Variants in SLC26A2 observed in about 807,000 individuals in gnomAD.
The protein encoded by SLC26A2 is sulfate transporter.
In SLC26A2, 36 loss-of-function variants were observed where a neutral mutation model predicts 41.1. The ratio of observed to expected loss-of-function variants is 0.88; its 90% CI spans 0.67 to 1.16. The LOEUF (loss-of-function observed/expected upper bound fraction) is 1.16, where lower values mean the gene tolerates loss of function less well. SLC26A2 is among the 50% of genes most tolerant of loss of function. The pLI, the probability that SLC26A2 is intolerant of heterozygous loss-of-function variation, is 0.00. For missense variants in SLC26A2, 796 were observed against 869.6 expected (o/e 0.92, Z 1.07); for synonymous variants, 291 against 311.6 (o/e 0.93, Z 0.70).
At chr5:149,964,549 G>A (rs571170805) in intron 1 of SLC26A2, among the ~76,000 whole-genome samples, 6 of 151,842 alleles carry the variant, frequency 4.0e-5, no homozygotes, top group South Asian at 2.1e-4. Flanking sequence ...AGGCCGAGGC[G>A]GGCGGATCAC....
chr5:149,961,923 A>AG (rs1449298270), intron 1 of SLC26A2: 1 of 152,270 alleles, frequency 6.6e-6, no homozygotes, highest in East Asian at 1.9e-4. Context: ...GCTATGTGCC[A>AG]GGCACTGTGG....
At position 149,981,411 on chromosome 5, in the gene SLC26A2, A is replaced by G. The variant is rs1755097615; in HGVS notation, c.1818A>G (p.Pro606=). The G allele has an allele frequency of 1.2e-6, 2 of 1,614,180 alleles. No individual in the cohort carries two copies. Among genetic ancestry groups the G allele is most frequent in the Non-Finnish European group, 1.7e-6 (2 of 1,180,018 alleles). The change falls in exon 3 of 3, where the codon CCA becomes CCG. Residue 606 remains proline (P), a synonymous_variant. Transcript: ENST00000286298. ...CTTTATACAAACAAACTGTCAACCC[A>G]ATCTTAATAAAGGTGGCTTGGAAGA... ...KSALYKQTVN[P]ILIKVAWKKA...
intron 1 of SLC26A2, among the ~76,000 whole-genome samples, chr5:149,962,468 A>G (rs1480586038): frequency 6.6e-6 from 1 of 151,870 alleles, no homozygotes; most frequent in African/African-American, 2.4e-5. Flanking sequence ...CTTCCTGAGT[A>G]GCTGGAACCA....
chr5:149,985,854 T>G lies in SLC26A2; in HGVS notation c.*4041T>G, dbSNP rs1755189800. The G allele has an allele frequency of 6.6e-6, 1 of 152,134 alleles. No homozygotes were observed. Among genetic ancestry groups the G allele is most frequent in the Non-Finnish European group, 1.5e-5 (1 of 68,032 alleles). 9.4% of individuals were successfully genotyped at this position (152,134 alleles called of 1,614,324 possible). A position where few individuals can be genotyped will look rare whatever the true frequency, so the allele number is the denominator to read the frequency against. ...TCCAGTAGATGGGCTGTGTAGCAAC[T>G]CTCCCAGGGAACACACTAGGGTACT... is the stretch of plus-strand genomic sequence containing the variant. On this transcript the variant is annotated 3_prime_UTR_variant, in exon 3 of 3. Transcript: ENST00000286298.
intron 1 of SLC26A2, among the ~76,000 whole-genome samples, chr5:149,962,996 A>G (rs982370039): frequency 2.0e-5 from 3 of 152,208 alleles, no homozygotes; most frequent in East Asian, 1.9e-4. Flanking sequence ...GAGAAGAGCT[A>G]TGGAGAAAAA....
At chr5:149,970,786 T>C (rs1166285077) in intron 1 of SLC26A2, among the ~76,000 whole-genome samples, 1 of 151,984 alleles carries the variant, frequency 6.6e-6, no homozygotes, top group East Asian at 1.9e-4. Flanking sequence ...GTTTGGGCAG[T>C]GGGGAGAGGA....
chr5:149,973,138 G>T (rs997082486), intron 1 of SLC26A2, among the ~76,000 whole-genome samples: 1 of 151,800 alleles, frequency 6.6e-6, no homozygotes, highest in Non-Finnish European at 1.5e-5. Context: ...GGGCAACATA[G>T]TGAGACCTCA....
chr5:149,982,675 G>T lies in SLC26A2; in HGVS notation c.*862G>T, dbSNP rs947599589. 5 of 152,100 alleles carry T rather than the reference G, an allele frequency of 3.3e-5. No individual in the cohort carries two copies. Among genetic ancestry groups the T allele is most frequent in the Non-Finnish European group, 5.9e-5 (4 of 68,022 alleles). The allele number at this position is 152,100 out of a possible 1,614,324, so 9.4% of individuals were successfully genotyped here. ...TTCCCATGGAATCTGTCCTAAACTG[G>T]TGTTTTTGTCAGTGACAGTCTTGCC... On this transcript the variant is annotated 3_prime_UTR_variant, in exon 3 of 3. Transcript: ENST00000286298.
chr5:149,965,636 A>G (rs897198696), intron 1 of SLC26A2, among the ~76,000 whole-genome samples: 1 of 151,674 alleles, frequency 6.6e-6, no homozygotes, highest in African/African-American at 2.4e-5. Context: ...ATTTTTCCAT[A>G]TAAGAGAGGA....
In SLC26A2 at chr5:149,986,660, T is replaced by C. The variant is rs1277425536; in HGVS notation, c.*4847T>C. On this transcript the variant is annotated 3_prime_UTR_variant, in exon 3 of 3. Coordinates refer to ENST00000286298, the MANE Select transcript of SLC26A2 (RefSeq NM_000112.4). ...GTATTTTTTATCTCAGTGTTGAAAA[T>C]TGGAAAAGAATGGACTGAAGTCTAA... 1 of 152,052 alleles carries C rather than the reference T, an allele frequency of 6.6e-6. No individual in the cohort carries two copies. Among genetic ancestry groups the C allele is most frequent in the African/African-American group, 2.4e-5 (1 of 41,376 alleles). The allele number at this position is 152,052 out of a possible 1,614,324, so 9.4% of individuals were successfully genotyped here.
In SLC26A2 at chr5:149,979,479, A is replaced by G. The variant is rs924177388; in HGVS notation, c.700-814A>G. Among the ~76,000 whole-genome samples, 7 of 152,168 alleles carry G rather than the reference A, an allele frequency of 4.6e-5. No homozygotes were observed. The East Asian group carries it at 5.8e-4, about 13-fold the overall frequency. Reference sequence around the variant, plus strand: ...CTCTATGACCAAACTCCTGGGCTCAAGTGATCCTCCCAATATTGCCTCCCC... The same window carrying G: ...CTCTATGACCAAACTCCTGGGCTCAGGTGATCCTCCCAATATTGCCTCCCC... On this transcript the variant is annotated intron_variant, in intron 2 of 2. Transcript: ENST00000286298.
chr5:149,981,642 G>A lies in SLC26A2; in HGVS notation c.2049G>A (p.Leu683=). 1 of 1,614,094 alleles carries A rather than the reference G, an allele frequency of 6.2e-7. No individual in the cohort carries two copies. Among genetic ancestry groups the A allele is most frequent in the African/African-American group, 1.3e-5 (1 of 75,044 alleles). The change falls in exon 3 of 3, where the codon CTG becomes CTA. Residue 683 remains leucine (L), a synonymous_variant. Transcript: ENST00000286298. ...DYEAIGIQVL[L]AQCNPTVRDS... ...AAGCCATTGGAATCCAGGTTCTGCT[G>A]GCTCAGTGCAATCCCACTGTGAGGG...
At chr5:149,968,446 T>A (rs1373965132) in intron 1 of SLC26A2, among the ~76,000 whole-genome samples, 1 of 152,172 alleles carries the variant, frequency 6.6e-6, no homozygotes, top group African/African-American at 2.4e-5. Context: ...AGTCTCGCTC[T>A]GTCACTCAGG....
chr5:149,977,780 A>C lies in SLC26A2; in HGVS notation c.128A>C (p.Glu43Ala). ...RESSTDFKQFETNDQCRPYHR... is the reference protein window; with the variant it reads ...RESSTDFKQFATNDQCRPYHR... The stretch of plus-strand genomic sequence containing the variant: ...TCAAGTACTGACTTCAAGCAATTTG[A>C]GACCAATGATCAATGCAGACCTTAT... The change falls in exon 2 of 3, where the codon GAG (glutamate) becomes GCG (alanine). Residue 43 changes from glutamate to alanine, a missense_variant. Coordinates refer to ENST00000286298, the MANE Select transcript of SLC26A2 (RefSeq NM_000112.4). The C allele has an allele frequency of 6.2e-7, 1 of 1,613,970 alleles. No individual in the cohort carries two copies. The highest frequency in any genetic ancestry group is 8.5e-7 in the Non-Finnish European group (1 of 1,179,832).
chr5:149,970,515 AAAG>A (rs1213068835), intron 1 of SLC26A2, among the ~76,000 whole-genome samples: 2 of 152,194 alleles, frequency 1.3e-5, no homozygotes, highest in Non-Finnish European at 2.9e-5. Context: ...TGTCACTAAA[AAAG>A]AAAAATAAAA....
intron 1 of SLC26A2, among the ~76,000 whole-genome samples, chr5:149,970,606 TAC>T (rs1754885048): frequency 6.6e-6 from 1 of 152,074 alleles, no homozygotes; most frequent in African/African-American, 2.4e-5. Flanking sequence ...CTTGAGCAAG[TAC>T]AGTGACCCTA....
chr5:149,977,559 A>G (rs1755013645), intron 1 of SLC26A2, 69 bp from the exon 2 acceptor site: 1 of 833,964 alleles, frequency 1.2e-6, no homozygotes. Flanking sequence ...AATGACAAAT[A>G]GAATTGTTAG....
chr5:149,968,534 C>T (rs1754844886), intron 1 of SLC26A2, among the ~76,000 whole-genome samples: 1 of 150,748 alleles, frequency 6.6e-6, no homozygotes. Flanking sequence ...CCTCAGCTGC[C>T]TGAGTAGCTA....
At chr5:149,961,631 G>T (rs1345268640) in intron 1 of SLC26A2, among the ~76,000 whole-genome samples, 1 of 152,118 alleles carries the variant, frequency 6.6e-6, no homozygotes, top group African/African-American at 2.4e-5. Flanking sequence ...CACAGATTGG[G>T]GATCACAGTG....
Sources: allele counts gnomAD v4.1 joint callset (sites outside exome capture counted in the v4.1 genomes callset), GRCh38; gene constraint gnomAD v4.1.1; transcripts MANE v1.5; gene names NCBI Gene and HGNC (gene_info 2026-07-23, HGNC 2026-07-21).